Variants in QTGAL observed in about 807,000 individuals in gnomAD.
QTGAL encodes the protein BGnT-like protein 1.
chr17:82,966,831 C>A, the QTGAL span, among the ~76,000 whole-genome samples: 46,295 of 152,078 alleles, frequency 0.3, 7,563 homozygotes, highest in Admixed American at 0.4. Context: ...AACCAGATGC[C>A]ACCAAAGTCA....
the QTGAL span, among the ~76,000 whole-genome samples, chr17:83,044,677 C>A: frequency 2.0e-5 from 3 of 152,226 alleles, no homozygotes; most frequent in South Asian, 6.2e-4. Flanking sequence ...GGCGCGGCGG[C>A]TCACGCCTGT....
the QTGAL span, among the ~76,000 whole-genome samples, chr17:83,033,031 C>T: frequency 6.6e-6 from 1 of 152,210 alleles, no homozygotes; most frequent in Non-Finnish European, 1.5e-5. Context: ...TGGGCCAGAG[C>T]GGCCTGGAGA....
At chr17:83,039,986 C>T in the QTGAL span, among the ~76,000 whole-genome samples, 1 of 152,150 alleles carries the variant, frequency 6.6e-6, no homozygotes, top group Non-Finnish European at 1.5e-5. Flanking sequence ...GGACCGTAAA[C>T]CCTCAGCCGC....
At chr17:83,049,738 C>G in the QTGAL span, among the ~76,000 whole-genome samples, 9 of 152,184 alleles carry the variant, frequency 5.9e-5, no homozygotes, top group African/African-American at 2.2e-4. Flanking sequence ...GTCCATCTCT[C>G]GATTCCTTTG....
the QTGAL span, chr17:82,947,076 T>C: frequency 2.3e-5 from 24 of 1,028,698 alleles, no homozygotes; most frequent in African/African-American, 3.2e-5. Flanking sequence ...GGGGGTGGCC[T>C]GTGTCCACCT....
At chr17:83,046,790 C>G in the QTGAL span, among the ~76,000 whole-genome samples, 1 of 152,208 alleles carries the variant, frequency 6.6e-6, no homozygotes, top group Non-Finnish European at 1.5e-5. Context: ...AGACTGTCAT[C>G]ATTCACAGTA....
the QTGAL span, among the ~76,000 whole-genome samples, chr17:82,970,720 C>T: frequency 4.8e-5 from 7 of 146,718 alleles, no homozygotes; most frequent in African/African-American, 1.5e-4. Flanking sequence ...GCCCTGGTCA[C>T]GTGGCCGAAG....
the QTGAL span, among the ~76,000 whole-genome samples, chr17:83,001,517 T>C: frequency 2.8e-5 from 4 of 141,764 alleles, no homozygotes; most frequent in Non-Finnish European, 4.5e-5. Context: ...TCGGCATCCT[T>C]CAAGTCAACA....
chr17:83,050,919 G>C, the QTGAL span, among the ~76,000 whole-genome samples: 1 of 152,110 alleles, frequency 6.6e-6, no homozygotes, highest in Non-Finnish European at 1.5e-5. Context: ...GTGTGAAGCA[G>C]GTGTGCAGGC....
chr17:83,030,893 C>T, the QTGAL span: 13 of 152,352 alleles, frequency 8.5e-5, no homozygotes, highest in African/African-American at 3.1e-4. Context: ...GGCTCTCCAC[C>T]CTGGGAACCC....
the QTGAL span, among the ~76,000 whole-genome samples, chr17:83,033,181 T>G: frequency 1.3e-5 from 2 of 152,228 alleles, no homozygotes; most frequent in African/African-American, 4.8e-5. Flanking sequence ...TACAAGCGAC[T>G]ACCTGTTATT....
At chr17:82,995,272 A>G in the QTGAL span, among the ~76,000 whole-genome samples, 3 of 152,216 alleles carry the variant, frequency 2.0e-5, no homozygotes, top group Admixed American at 2.0e-4. Context: ...ATATAATCTT[A>G]TATTTTAAAA....
the QTGAL span, among the ~76,000 whole-genome samples, chr17:82,958,492 T>C: frequency 6.6e-6 from 1 of 152,108 alleles, no homozygotes; most frequent in Admixed American, 6.5e-5. Context: ...CGGGGCAGGA[T>C]TTCGCTGTTC....
chr17:82,952,534 T>C, the QTGAL span, among the ~76,000 whole-genome samples: 7 of 152,182 alleles, frequency 4.6e-5, no homozygotes, highest in Non-Finnish European at 8.8e-5. Flanking sequence ...TACACACACC[T>C]AATACAGGAG....
At chr17:83,047,907 A>G in the QTGAL span, among the ~76,000 whole-genome samples, 18 of 151,608 alleles carry the variant, frequency 1.2e-4, no homozygotes, top group African/African-American at 4.3e-4. Context: ...AATAAATCCT[A>G]CCAAACAATA....
At chr17:82,957,387 C>G in the QTGAL span, 1 of 1,613,172 alleles carries the variant, frequency 6.2e-7, no homozygotes, top group Non-Finnish European at 8.5e-7. Context: ...AGTCAAGCTG[C>G]GGTACAGCCG....
chr17:82,979,788 C>G, the QTGAL span, among the ~76,000 whole-genome samples: 3 of 152,252 alleles, frequency 2.0e-5, no homozygotes, highest in Admixed American at 6.5e-5. Context: ...GGCAGAAATA[C>G]TAGAATAGCC....
the QTGAL span, among the ~76,000 whole-genome samples, chr17:82,984,191 A>G: frequency 1.3e-5 from 1 of 77,918 alleles, no homozygotes; most frequent in African/African-American, 7.4e-5. Context: ...CCATATGATC[A>G]CGCAGGGGAG....
chr17:83,030,315 T>C, the QTGAL span, among the ~76,000 whole-genome samples: 28,802 of 152,128 alleles, frequency 0.19, 3,094 homozygotes, highest in Non-Finnish European at 0.25. Context: ...GCTCAAGGGT[T>C]AGGAACACAA....
Sources: gnomAD v4.1 joint callset for allele counts (sites outside exome capture counted in the v4.1 genomes callset) on GRCh38, gnomAD v4.1.1 for gene constraint, MANE v1.5 for transcripts, NCBI Gene and HGNC (gene_info 2026-07-23, HGNC 2026-07-21) for gene names.